The following TERT variants were observed in gnomAD, a reference collection of about 807,000 sequenced individuals.
The protein encoded by TERT is telomerase catalytic subunit.
In TERT, 42 loss-of-function variants were observed where a neutral mutation model predicts 104.0. The observed-to-expected ratio is 0.40, with a 90% CI of 0.32 to 0.52. The LOEUF is 0.52. Ranked by LOEUF, TERT falls within the 20% of genes least tolerant of loss-of-function variation. The probability of loss-of-function intolerance (pLI) is 0.43; values close to 1 mark genes in which losing one functional copy is unlikely to be tolerated. For synonymous variants in TERT, 781 were observed against 725.6 expected (o/e 1.08, Z -1.23); for missense variants, 1,101 against 1,610.3 (o/e 0.68, Z 5.41).
chr5:1,258,839 G>A (rs1747949467), intron 12 of TERT, among the ~76,000 whole-genome samples, 180 bp from the exon 13 acceptor site: 2 of 152,272 alleles, frequency 1.3e-5, no homozygotes, highest in Non-Finnish European at 2.9e-5. Flanking sequence ...ACCACCCTGG[G>A]CGAGTCAAGA....
In TERT at chr5:1,265,086, G is replaced by A. The variant is rs1469223201; in HGVS notation, c.2655-494C>T. On this transcript the variant is annotated intron_variant, in intron 10 of 15. Transcript: ENST00000310581. This position sits in a 1 kb window ranked among gnomAD's most constrained non-coding sequence, Gnocchi z 6.9. Reference sequence around the variant, plus strand: ...GGGAGGGTTCTGAGTTCCTGCTCAGGCGCGGGACCTGGCTGGGCTGTGAGC... The same window carrying A: ...GGGAGGGTTCTGAGTTCCTGCTCAGACGCGGGACCTGGCTGGGCTGTGAGC... Among the ~76,000 whole-genome samples the A allele has an allele frequency of 6.6e-6, 1 of 152,210 alleles. No individual in the cohort carries two copies. The highest frequency in any genetic ancestry group is 1.5e-5 in the Non-Finnish European group (1 of 68,032).
At chr5:1,267,563 A>G (rs1748698753) in intron 9 of TERT, among the ~76,000 whole-genome samples, 1 of 152,270 alleles carries the variant, frequency 6.6e-6, no homozygotes, top group Non-Finnish European at 1.5e-5. Context: ...TATTCACAGT[A>G]GCAAAGACTT....
chr5:1,280,259 G>A lies in TERT; in HGVS notation c.1849C>T (p.Leu617=), dbSNP rs140951453. Residue 617 remains leucine, a synonymous_variant, in exon 4 of 16, where the codon CTG becomes TTG. Coordinates refer to ENST00000310581, the MANE Select transcript of TERT (RefSeq NM_198253.3). ...GGGATGAAGCGGAGTCTGGACGTCA[G>A]CAGGGCGGGCCTGGCTTCCCGATGC... is the stretch of plus-strand genomic sequence containing the variant. ...RQHREARPAL[L]TSRLRFIPKP... is the part of the protein sequence containing the mutation. The A allele has an allele frequency of 1.1e-3, 1,742 of 1,613,780 alleles. 11 individuals are homozygous for A. The highest frequency in any genetic ancestry group is 3.1e-3 in the Middle Eastern group (19 of 6,062).
At chr5:1,285,149 G>T (rs1283688935) in intron 2 of TERT, among the ~76,000 whole-genome samples, 1 of 108,854 alleles carries the variant, frequency 9.2e-6, no homozygotes. Flanking sequence ...TGCATCATCC[G>T]GACTCCATAC....
At chr5:1,282,302 G>T in intron 3 of TERT, 127 bp downstream of exon 3, 1 of 1,001,424 alleles carries the variant, frequency 1.0e-6, no homozygotes, top group Non-Finnish European at 1.6e-6. Context: ...CTGTGACGGG[G>T]CCCCTGGCTC....
rs1412206754 is a variant in TERT, at chr5:1,256,513, G to T, written c.3033-1102C>A. On this transcript the variant is annotated intron_variant, in intron 13 of 15. Coordinates refer to ENST00000310581, the MANE Select transcript of TERT (RefSeq NM_198253.3). The surrounding 1 kb of genome is among the most constrained non-coding windows in gnomAD (Gnocchi z 7.0). ...AGTGCCTGAGCCCCCCATGTACCTG[G>T]CCTCACCCACTGCCTGAGCCCCCCG... is the stretch of plus-strand genomic sequence containing the variant. Among the ~76,000 whole-genome samples the T allele has an allele frequency of 7.0e-6, 1 of 142,490 alleles. No individual in the cohort carries two copies. The highest frequency in any genetic ancestry group is 1.5e-5 in the Non-Finnish European group (1 of 65,960). The allele number at this position is 142,490 out of a possible 152,430, so 93.5% of individuals were successfully genotyped here.
rs11291391 is a variant in TERT, at chr5:1,287,497, CA to C, written c.1574-4874del. ...TGGGCGACAGACCAAGACTCTGTCT[CA>C]AAAAAAAAAAATATATATATATATA... On this transcript the variant is annotated intron_variant, in intron 2 of 15. Transcript: ENST00000310581. The surrounding 1 kb of genome is among the most constrained non-coding windows in gnomAD (Gnocchi z 4.3). Among the ~76,000 whole-genome samples the C allele has an allele frequency of 0.4, 54,293 of 135,834 alleles. 11,171 individuals carry two copies. The highest frequency in any genetic ancestry group is 0.47 in the Non-Finnish European group (30,298 of 64,256). The allele number at this position is 135,834 out of a possible 152,430, so 89.1% of individuals were successfully genotyped here. A position where few individuals can be genotyped will look rare whatever the true frequency, so the allele number is the denominator to read the frequency against.
chr5:1,289,087 G>T (rs553393183), intron 2 of TERT, among the ~76,000 whole-genome samples: 11 of 152,086 alleles, frequency 7.2e-5, no homozygotes, highest in African/African-American at 2.4e-4. Flanking sequence ...TGGGGACAGA[G>T]CCTCACTCAC....
chr5:1,256,856 G>A lies in TERT; in HGVS notation c.3033-1445C>T, dbSNP rs1030117890. On this transcript the variant is annotated intron_variant, in intron 13 of 15. Coordinates refer to ENST00000310581, the MANE Select transcript of TERT (RefSeq NM_198253.3). This position sits in a 1 kb window ranked among gnomAD's most constrained non-coding sequence, Gnocchi z 7.0. ...AGAAATAGCCACCTGCTAGAGGTCG[G>A]GGCGTCCACCCCAAGCCCGTGTGGA... is the stretch of plus-strand genomic sequence containing the variant. 1.3e-5 allele frequency among the ~76,000 whole-genome samples: 2 copies of A among 152,224 alleles called. No homozygotes were observed. Among genetic ancestry groups the A allele is most frequent in the African/African-American group, 2.4e-5 (1 of 41,458 alleles).
At chr5:1,283,329 T>C (rs1579581465) in intron 2 of TERT, among the ~76,000 whole-genome samples, 1 of 118,798 alleles carries the variant, frequency 8.4e-6, no homozygotes, top group South Asian at 3.1e-4. Flanking sequence ...CACATCCAGC[T>C]CACTGCAGGG....
chr5:1,258,843 G>A (rs369172003), intron 12 of TERT, among the ~76,000 whole-genome samples, 184 bp from the exon 13 acceptor site: 81 of 152,266 alleles, frequency 5.3e-4, no homozygotes, highest in Non-Finnish European at 1.9e-4. Flanking sequence ...CCCTGGGCGA[G>A]TCAAGACTCT....
chr5:1,266,378 GC>G, intron 10 of TERT, 85 bp downstream of exon 10: 1 of 1,173,094 alleles, frequency 8.5e-7, no homozygotes, highest in Non-Finnish European at 1.2e-6. Flanking sequence ...AGACAACGCT[GC>G]GGTGCCAGGG....
chr5:1,277,353 C>A (rs938102012), intron 6 of TERT, among the ~76,000 whole-genome samples: 1 of 152,218 alleles, frequency 6.6e-6, no homozygotes, highest in Non-Finnish European at 1.5e-5. Context: ...TCACAGCAGG[C>A]GCAGCCGTGC....
chr5:1,253,501 C>T lies in TERT; in HGVS notation c.*227G>A, dbSNP rs1370263427. 6 of 597,076 alleles carry T rather than the reference C, an allele frequency of 1.0e-5. No individual in the cohort carries two copies. Among genetic ancestry groups the T allele is most frequent in the Middle Eastern group, 4.5e-4 (1 of 2,240 alleles). 37.0% of individuals were successfully genotyped at this position (597,076 alleles called of 1,614,324 possible). Reference sequence around the variant, plus strand: ...GCGCCAGCCTGTGGGGAAGTGAAGACGGCAGGTGTGCTGGACACTCAGCCC... The same window carrying T: ...GCGCCAGCCTGTGGGGAAGTGAAGATGGCAGGTGTGCTGGACACTCAGCCC... On this transcript the variant is annotated 3_prime_UTR_variant, in exon 16 of 16. Coordinates refer to ENST00000310581, the MANE Select transcript of TERT (RefSeq NM_198253.3).
chr5:1,266,657 G>A, intron 9 of TERT, 122 bp from the exon 10 acceptor site: 1 of 900,046 alleles, frequency 1.1e-6, no homozygotes, highest in Non-Finnish European at 1.8e-6. Flanking sequence ...CTCCAAAGCG[G>A]TTAAATGAAA....
rs868122466 is a variant in TERT at position 1,263,549 on chromosome 5, G to A, written c.2843+855C>T. Among the ~76,000 whole-genome samples the A allele has an allele frequency of 9.4e-4, 143 of 152,160 alleles. 2 individuals carry two copies. Among genetic ancestry groups the A allele is most frequent in the Non-Finnish European group, 2.9e-4 (20 of 68,030 alleles). ...CTCCCGCATAGCGGGGACTACAGGC[G>A]TGTGCCACCAGGCCAGGCTAATTTT... On this transcript the variant is annotated intron_variant, in intron 11 of 15. Transcript: ENST00000310581. The surrounding 1 kb of genome is among the most constrained non-coding windows in gnomAD (Gnocchi z 5.3).
chr5:1,253,638 T>C lies in TERT; in HGVS notation c.*90A>G. 3 of 1,119,546 alleles carry C rather than the reference T, an allele frequency of 2.7e-6. No individual in the cohort carries two copies. Among genetic ancestry groups the C allele is most frequent in the East Asian group, 2.5e-5 (1 of 40,490 alleles). The allele number at this position is 1,119,546 out of a possible 1,614,324, so 69.4% of individuals were successfully genotyped here. A position where few individuals can be genotyped will look rare whatever the true frequency, so the allele number is the denominator to read the frequency against. ...AGACTCCCAGCGGTGCGGGCCTGGG[T>C]GTGGGCCGCCCCTCCCTCCCTGGGA... is the stretch of plus-strand genomic sequence containing the variant. On this transcript the variant is annotated 3_prime_UTR_variant, in exon 16 of 16. Coordinates refer to ENST00000310581, the MANE Select transcript of TERT (RefSeq NM_198253.3).
rs1042982557 is a variant in TERT at position 1,263,397 on chromosome 5, T to A, written c.2843+1007A>T. 6.6e-6 allele frequency among the ~76,000 whole-genome samples: 1 copy of A among 151,922 alleles called. No homozygotes were observed. The highest frequency in any genetic ancestry group is 2.4e-5 in the African/African-American group (1 of 41,324). On this transcript the variant is annotated intron_variant, in intron 11 of 15. Transcript: ENST00000310581. This position sits in a 1 kb window ranked among gnomAD's most constrained non-coding sequence, Gnocchi z 5.3. ...ACACCTGTCCACTATGGTTTTGGAA[T>A]GCTGATACTTTTTTTTTTTTTTTTA...
intron 3 of TERT, 28 bp downstream of exon 3, chr5:1,282,401 G>A: frequency 1.2e-6 from 2 of 1,610,796 alleles, no homozygotes; most frequent in South Asian, 2.2e-5. Flanking sequence ...ACTTCGAGAA[G>A]CAGAGGCCTG....
Sources: gnomAD v4.1 joint callset for allele counts (sites outside exome capture counted in the v4.1 genomes callset) on GRCh38, gnomAD v4.1.1 for gene constraint, Gnocchi (gnomAD v3.1) non-coding constraint, MANE v1.5 for transcripts, NCBI Gene and HGNC (gene_info 2026-07-23, HGNC 2026-07-21) for gene names.